Variants in GPR180 observed in about 807,000 individuals in gnomAD.
GPR180 encodes integral membrane protein GPR180.
A neutral mutation model predicts 52.6 loss-of-function variants in GPR180; 53 were observed. The ratio of observed to expected loss-of-function variants is 1.01; its 90% CI spans 0.81 to 1.27. GPR180 has a LOEUF of 1.27. Among genes scored for constraint, GPR180 ranks in the 50% most tolerant of loss-of-function variants. The pLI is 0.00. For missense variants in GPR180, 533 were observed against 527.0 expected (o/e 1.01, Z -0.11); for synonymous variants, 200 against 193.1 (o/e 1.04, Z -0.30).
At chr13:94,615,225 A>C (rs1594474880) in intron 3 of GPR180, among the ~76,000 whole-genome samples, 1 of 152,308 alleles carries the variant, frequency 6.6e-6, no homozygotes, top group East Asian at 1.9e-4. Flanking sequence ...CTTAAGAGGG[A>C]TTCTTCCTAC....
intron 3 of GPR180, among the ~76,000 whole-genome samples, chr13:94,617,291 A>G (rs1286052093): frequency 6.6e-6 from 1 of 152,178 alleles, no homozygotes; most frequent in Non-Finnish European, 1.5e-5. Context: ...TTTTAATACT[A>G]AGAAGGAAAG....
At chr13:94,625,415 A>T (rs1889916323) in intron 7 of GPR180, among the ~76,000 whole-genome samples, 2 of 152,024 alleles carry the variant, frequency 1.3e-5, no homozygotes, top group Admixed American at 1.3e-4. Context: ...TTATTAACTT[A>T]TTTTTTATTT....
chr13:94,624,791 C>T (rs1247828924), intron 7 of GPR180, among the ~76,000 whole-genome samples: 2 of 152,216 alleles, frequency 1.3e-5, no homozygotes, highest in African/African-American at 4.8e-5. Context: ...ATATGCCCGC[C>T]TTGGCCTCCC....
chr13:94,609,275 C>T (rs1889672669), intron 2 of GPR180, among the ~76,000 whole-genome samples: 1 of 152,138 alleles, frequency 6.6e-6, no homozygotes, highest in African/African-American at 2.4e-5. Flanking sequence ...CCATTCTCAG[C>T]AGTTCAAGTT....
chr13:94,605,577 TTAGA>T, intron 2 of GPR180, 28 bp downstream of exon 2: 2 of 1,582,928 alleles, frequency 1.3e-6, no homozygotes, highest in Non-Finnish European at 1.7e-6. Flanking sequence ...TCTTTGATCA[TTAGA>T]TATAGTTTTT....
rs991187966 is a variant in GPR180 at position 94,615,565 on chromosome 13, C to T, written c.505+3175C>T. ...TAAACAAAGTCAGGCAAGTGTGATG[C>T]CGATTGACAAAGTACTAAATAGGAT... is the stretch of plus-strand genomic sequence containing the variant. On this transcript the variant is annotated intron_variant, in intron 3 of 8. Transcript: ENST00000376958. 1.1e-4 allele frequency among the ~76,000 whole-genome samples: 17 copies of T among 152,246 alleles called. No individual in the cohort carries two copies. The East Asian group carries it at 3.1e-3, about 28-fold the overall frequency.
At chr13:94,611,746 G>A (rs750238428) in intron 2 of GPR180, among the ~76,000 whole-genome samples, 9 of 151,938 alleles carry the variant, frequency 5.9e-5, no homozygotes, top group African/African-American at 9.7e-5. Context: ...TTGCCCGTCC[G>A]CAATGATGGG....
intron 7 of GPR180, among the ~76,000 whole-genome samples, 184 bp from the exon 8 acceptor site, chr13:94,625,779 TTGG>T (rs1234336418): frequency 6.6e-6 from 1 of 152,338 alleles, no homozygotes; most frequent in East Asian, 1.9e-4. Context: ...AAATACTCAT[TTGG>T]TTAGAAACAA....
At chr13:94,608,920 T>G (rs1889667784) in intron 2 of GPR180, among the ~76,000 whole-genome samples, 1 of 152,182 alleles carries the variant, frequency 6.6e-6, no homozygotes, top group Non-Finnish European at 1.5e-5. Flanking sequence ...GTCATCTCTT[T>G]GTTCTGTCAT....
chr13:94,622,607 C>T (rs571012047), intron 6 of GPR180, among the ~76,000 whole-genome samples: 4 of 152,300 alleles, frequency 2.6e-5, no homozygotes, highest in African/African-American at 9.6e-5. Context: ...GGTAGCACTT[C>T]TGTATTGCAA....
Position 94,627,465 on chromosome 13 carries a change from A to T in GPR180, c.*294A>T, listed in dbSNP as rs1312385994. The T allele has an allele frequency of 5.8e-6, 2 of 343,288 alleles. No individual in the cohort carries two copies. Among genetic ancestry groups the T allele is most frequent in the Non-Finnish European group, 1.0e-5 (2 of 190,958 alleles). The allele number at this position is 343,288 out of a possible 1,614,324, so 21.3% of individuals were successfully genotyped here. A position where few individuals can be genotyped will look rare whatever the true frequency, so the allele number is the denominator to read the frequency against. On this transcript the variant is annotated 3_prime_UTR_variant, in exon 9 of 9. Transcript: ENST00000376958. ...AATAACTATGATATTTTGGTAAAAT[A>T]TTCACCACTTATAATGCCTCATCTT...
intron 1 of GPR180, among the ~76,000 whole-genome samples, chr13:94,602,456 A>G (rs1277552622): frequency 6.7e-6 from 1 of 149,984 alleles, no homozygotes. Context: ...GTGACGGGAG[A>G]ATTTAACCCT....
rs535341447 is a variant in GPR180 at position 94,621,287 on chromosome 13, T to A, written c.894+52T>A. On this transcript the variant is annotated intron_variant, in intron 6 of 8. Coordinates refer to ENST00000376958, the MANE Select transcript of GPR180 (RefSeq NM_180989.6). Reference sequence around the variant, plus strand: ...CTTAGTAATCCTCAGAAATGCAAACTTGAGCATACCTCATTTCAGAATTGA... The same window carrying A: ...CTTAGTAATCCTCAGAAATGCAAACATGAGCATACCTCATTTCAGAATTGA... The A allele has an allele frequency of 2.2e-5, 30 of 1,369,622 alleles. No homozygotes were observed. In the South Asian group the frequency reaches 4.4e-4, roughly 20 times the overall value. The allele number at this position is 1,369,622 out of a possible 1,614,324, so 84.8% of individuals were successfully genotyped here. A position where few individuals can be genotyped will look rare whatever the true frequency, so the allele number is the denominator to read the frequency against.
chr13:94,617,830 C>A (rs1889797751), intron 3 of GPR180, among the ~76,000 whole-genome samples: 1 of 152,168 alleles, frequency 6.6e-6, no homozygotes, highest in East Asian at 1.9e-4. Context: ...TCTATTCACA[C>A]CACTGTTAGA....
At position 94,627,075 on chromosome 13, in the gene GPR180, T is replaced by C. The variant is rs1264727798; in HGVS notation, c.1227T>C (p.Phe409=). The change falls in exon 9 of 9, where the codon TTT becomes TTC. Residue 409 remains phenylalanine, a synonymous_variant. Coordinates refer to ENST00000376958, the MANE Select transcript of GPR180 (RefSeq NM_180989.6). The stretch of plus-strand genomic sequence containing the variant: ...CCATGGTTATTCTCTACAGACTCTT[T>C]CTGTCTCACAGTCTATACTGGGAAG... ...SVSMVILYRL[F]LSHSLYWEVS... 1 of 1,612,020 alleles carries C rather than the reference T, an allele frequency of 6.2e-7. No individual in the cohort carries two copies. The highest frequency in any genetic ancestry group is 8.5e-7 in the Non-Finnish European group (1 of 1,178,396).
chr13:94,601,901 G>T lies in GPR180; in HGVS notation c.-27G>T. The T allele has an allele frequency of 2.9e-6, 4 of 1,390,932 alleles. No individual in the cohort carries two copies. The highest frequency in any genetic ancestry group is 3.7e-6 in the Non-Finnish European group (4 of 1,073,558). The allele number at this position is 1,390,932 out of a possible 1,614,324, so 86.2% of individuals were successfully genotyped here. A position where few individuals can be genotyped will look rare whatever the true frequency, so the allele number is the denominator to read the frequency against. On this transcript the variant is annotated 5_prime_UTR_variant, in exon 1 of 9. In the 5' UTR this introduces an upstream ATG that the reference lacks. Transcript: ENST00000376958. ...GCAGCCGCCGGCGGCTGGGAGCCGA[G>T]GCGTCGGTGCAGACCTGGAGACGGG...
intron 1 of GPR180, among the ~76,000 whole-genome samples, chr13:94,604,199 GGCAGGTGCCTGTAATCCCAGCT>G (rs1361188910): frequency 6.6e-6 from 1 of 152,180 alleles, no homozygotes; most frequent in Non-Finnish European, 1.5e-5. Context: ...CAGGCATGAT[GGCAGGTGCCTGTAATCCCAGCT>G]ATTTTGGGAG....
At chr13:94,616,836 G>A (rs1166592005) in intron 3 of GPR180, among the ~76,000 whole-genome samples, 1 of 122,210 alleles carries the variant, frequency 8.2e-6, no homozygotes, top group Non-Finnish European at 1.7e-5. Flanking sequence ...GAAGAAAACA[G>A]ACTTTTTTAA....
rs1381809415 is a variant in GPR180 at position 94,601,923 on chromosome 13, CG to C, written c.-2del. On this transcript the variant is annotated 5_prime_UTR_variant, in exon 1 of 9. Coordinates refer to ENST00000376958, the MANE Select transcript of GPR180 (RefSeq NM_180989.6). ...CGAGGCGTCGGTGCAGACCTGGAGA[CG>C]GGCATGGGGGGGCTGCGGCTGCTGG... 14 of 1,483,458 alleles carry C rather than the reference CG, an allele frequency of 9.4e-6. No individual in the cohort carries two copies. The highest frequency in any genetic ancestry group is 1.2e-5 in the Non-Finnish European group (14 of 1,121,956). The allele number at this position is 1,483,458 out of a possible 1,614,324, so 91.9% of individuals were successfully genotyped here.
Sources: allele counts gnomAD v4.1 joint callset (sites outside exome capture counted in the v4.1 genomes callset), GRCh38; gene constraint gnomAD v4.1.1; transcripts MANE v1.5; gene names NCBI Gene and HGNC (gene_info 2026-07-23, HGNC 2026-07-21).